Variants in MALRD1 observed in about 807,000 individuals in gnomAD.
The protein encoded by MALRD1 is MAM and LDL-receptor class A domain-containing protein 1.
In MALRD1, 247 loss-of-function variants were observed where a neutral mutation model predicts 242.1. That is an observed-to-expected ratio of 1.02 (90% CI 0.92 to 1.13). MALRD1 has a LOEUF of 1.13. Among genes scored for constraint, MALRD1 ranks in the 50% most tolerant of loss-of-function variants. The probability of loss-of-function intolerance (pLI) is 0.00; values close to 1 mark genes in which losing one functional copy is unlikely to be tolerated. For synonymous variants in MALRD1, 995 were observed against 866.6 expected (o/e 1.15, Z -2.60); for missense variants, 2,989 against 2,533.1 (o/e 1.18, Z -3.86).
chr10:19,346,948 C>G (rs894713160), intron 24 of MALRD1, among the ~76,000 whole-genome samples: 6 of 152,018 alleles, frequency 3.9e-5, no homozygotes, highest in African/African-American at 1.2e-4. Flanking sequence ...CCATGCCCAG[C>G]CTCCCTCATT....
chr10:19,230,129 A>G (rs1038833924), intron 18 of MALRD1, among the ~76,000 whole-genome samples: 2 of 152,072 alleles, frequency 1.3e-5, no homozygotes, highest in Non-Finnish European at 2.9e-5. Context: ...GCCTTCTGCT[A>G]TAATTGTGAG....
At chr10:19,510,116 G>A (rs1833328719) in intron 31 of MALRD1, among the ~76,000 whole-genome samples, 1 of 152,156 alleles carries the variant, frequency 6.6e-6, no homozygotes, top group South Asian at 2.1e-4. Context: ...AAAAGGTGCT[G>A]TGCTTTTGAT....
rs1844198001 is a variant in MALRD1 at position 19,347,806 on chromosome 10, C to G, written c.3937C>G (p.Leu1313Val). Residue 1313 changes from leucine (L) to valine (V), a missense_variant, in exon 25 of 40, where the codon CTT becomes GTT. Coordinates refer to ENST00000454679, the MANE Select transcript of MALRD1 (RefSeq NM_001142308.3). ...SSGRCDFEFD[L>V]CSWKQEKDED... is the part of the protein sequence containing the mutation. ...TGGGCGCTGTGATTTCGAATTTGATCTTTGTTCCTGGAAGCAGGAGAAAGA... is the reference window on the plus strand; with the variant it reads ...TGGGCGCTGTGATTTCGAATTTGATGTTTGTTCCTGGAAGCAGGAGAAAGA... 1 of 1,550,450 alleles carries G rather than the reference C, an allele frequency of 6.4e-7. No homozygotes were observed. Among genetic ancestry groups the G allele is most frequent in the African/African-American group, 1.4e-5 (1 of 73,140 alleles).
chr10:19,165,265 A>ATATATATATATATATATATTTTTTTT, intron 12 of MALRD1, among the ~76,000 whole-genome samples: 1 of 130,282 alleles, frequency 7.7e-6, no homozygotes, highest in African/African-American at 3.2e-5. Context: ...ATATATATAT[A>ATATATATATATATATATATTTTTTTT]TTTTGTTTTG....
chr10:19,419,912 A>G (rs1353006435), intron 28 of MALRD1, among the ~76,000 whole-genome samples: 2 of 152,210 alleles, frequency 1.3e-5, no homozygotes, highest in East Asian at 1.9e-4. Flanking sequence ...AAAAATAAAA[A>G]GAAGACATAA....
At chr10:19,584,611 C>G (rs1348522149) in intron 33 of MALRD1, among the ~76,000 whole-genome samples, 4 of 151,866 alleles carry the variant, frequency 2.6e-5, no homozygotes, top group Non-Finnish European at 5.9e-5. Context: ...AATTTCTGTT[C>G]TTTTACATTT....
chr10:19,218,321 C>T (rs970924582), intron 18 of MALRD1, among the ~76,000 whole-genome samples: 2 of 151,982 alleles, frequency 1.3e-5, no homozygotes, highest in African/African-American at 2.4e-5. Flanking sequence ...TTTGGTGGAA[C>T]CCTGAATATG....
At chr10:19,425,904 C>A (rs1188313049) in intron 28 of MALRD1, among the ~76,000 whole-genome samples, 1 of 152,128 alleles carries the variant, frequency 6.6e-6, no homozygotes, top group Non-Finnish European at 1.5e-5. Flanking sequence ...CTGCCCAAAT[C>A]CCAGAGCACT....
intron 21 of MALRD1, among the ~76,000 whole-genome samples, chr10:19,304,763 CATAAAT>C (rs750835895): frequency 3.4e-4 from 52 of 151,842 alleles, no homozygotes; most frequent in Non-Finnish European, 7.2e-4. Context: ...TGACCAAGGT[CATAAAT>C]AAACTTTTCT....
At chr10:19,209,100 ACT>A (rs1166820463) in intron 17 of MALRD1, among the ~76,000 whole-genome samples, 166 bp from the exon 18 acceptor site, 15 of 152,140 alleles carry the variant, frequency 9.9e-5, no homozygotes, top group African/African-American at 1.9e-4. Context: ...AGAAACAAAA[ACT>A]CTTTTTTTAA....
At chr10:19,571,295 T>C (rs532424135) in intron 33 of MALRD1, among the ~76,000 whole-genome samples, 8 of 152,248 alleles carry the variant, frequency 5.3e-5, no homozygotes, top group African/African-American at 1.9e-4. Flanking sequence ...TAGTTTTGCC[T>C]TAGCAGTTTT....
intron 25 of MALRD1, 134 bp from the exon 26 acceptor site, chr10:19,351,872 C>T: frequency 1.2e-6 from 1 of 833,358 alleles, no homozygotes; most frequent in South Asian, 1.9e-5. Context: ...GCAGACAGAG[C>T]AAGAGAATAA....
chr10:19,673,107 G>T (rs944628219), intron 36 of MALRD1, among the ~76,000 whole-genome samples: 1 of 151,994 alleles, frequency 6.6e-6, no homozygotes, highest in African/African-American at 2.4e-5. Flanking sequence ...CTTTGGTCGG[G>T]CGCAGTGGCT....
rs1038166643 is a variant in MALRD1, at chr10:19,128,322, T to C, written c.1045T>C (p.Cys349Arg). 8.1e-7 allele frequency: 1 copy of C among 1,233,448 alleles called. No homozygotes were observed. Among genetic ancestry groups the C allele is most frequent in the Admixed American group, 4.2e-5 (1 of 23,716 alleles). The allele number at this position is 1,233,448 out of a possible 1,614,324, so 76.4% of individuals were successfully genotyped here. A position where few individuals can be genotyped will look rare whatever the true frequency, so the allele number is the denominator to read the frequency against. ...SSVCHCLGKS[C>R]HLQFYYAMES... ...TGTGTGTCATTGCCTGGGCAAGAGC[T>C]GTCATCTTCAATTCTATTATGCAAT... The change falls in exon 8 of 40, where the codon TGT (cysteine) becomes CGT (arginine). Residue 349 changes from cysteine (C) to arginine (R), a missense_variant. Coordinates refer to ENST00000454679, the MANE Select transcript of MALRD1 (RefSeq NM_001142308.3).
At chr10:19,431,256 C>A (rs1017519128) in intron 28 of MALRD1, among the ~76,000 whole-genome samples, 2 of 152,070 alleles carry the variant, frequency 1.3e-5, no homozygotes, top group Non-Finnish European at 2.9e-5. Flanking sequence ...AGACTTAATT[C>A]TTCATTTAAT....
At chr10:19,288,746 G>T (rs866992604) in intron 21 of MALRD1, among the ~76,000 whole-genome samples, 51 of 152,146 alleles carry the variant, frequency 3.4e-4, no homozygotes, top group Non-Finnish European at 5.3e-4. Flanking sequence ...TATTGCAGAT[G>T]CTCTTATATT....
intron 23 of MALRD1, among the ~76,000 whole-genome samples, chr10:19,329,671 C>T (rs533972654): frequency 1.6e-4 from 24 of 152,304 alleles, no homozygotes; most frequent in Non-Finnish European, 2.8e-4. Flanking sequence ...TAGACAAGGT[C>T]AGGCCTTCCA....
At position 19,057,268 on chromosome 10, in the gene MALRD1, A is replaced by G. The variant is rs549300795; in HGVS notation, c.199+8131A>G. ...ACCTTCAAGGAAATGATTGATAGGT[A>G]ACTAATTACATTTATTAGTTGCTGG... On this transcript the variant is annotated intron_variant, in intron 1 of 39. Transcript: ENST00000454679. 2.6e-5 allele frequency among the ~76,000 whole-genome samples: 4 copies of G among 152,320 alleles called. No homozygotes were observed. The East Asian group carries it at 7.7e-4, about 29-fold the overall frequency.
At chr10:19,200,711 A>G (rs1836496041) in intron 14 of MALRD1, among the ~76,000 whole-genome samples, 1 of 139,156 alleles carries the variant, frequency 7.2e-6, no homozygotes, top group African/African-American at 2.8e-5. Context: ...CTCAATGAAG[A>G]GCTCAAAAAA....
Sources: gnomAD v4.1 joint callset for allele counts (sites outside exome capture counted in the v4.1 genomes callset) on GRCh38, gnomAD v4.1.1 for gene constraint, MANE v1.5 for transcripts, NCBI Gene and HGNC (gene_info 2026-07-23, HGNC 2026-07-21) for gene names.